SGMS1: variants seen among roughly 807,000 people sequenced by gnomAD.
SGMS1 encodes sphingomyelin synthase 1.
A neutral mutation model predicts 46.2 loss-of-function variants in SGMS1; 13 were observed. That is an observed-to-expected ratio of 0.28 (90% CI 0.18 to 0.45). The LOEUF (loss-of-function observed/expected upper bound fraction) is 0.45. SGMS1 is among the 20% of genes least tolerant of loss of function. The probability of loss-of-function intolerance (pLI) is 1.00; values close to 1 mark genes in which losing one functional copy is unlikely to be tolerated. For missense variants in SGMS1, 324 were observed against 519.9 expected (o/e 0.62, Z 3.66); for synonymous variants, 203 against 187.8 (o/e 1.08, Z -0.66).
intron 2 of SGMS1, among the ~76,000 whole-genome samples, chr10:50,574,173 T>C (rs1481733918): frequency 9.7e-5 from 3 of 30,906 alleles, no homozygotes; most frequent in African/African-American, 5.1e-4. Context: ...ATAGATATGG[T>C]ATACAGCAAA....
chr10:50,502,088 C>A (rs988764506), intron 3 of SGMS1, among the ~76,000 whole-genome samples: 1 of 152,024 alleles, frequency 6.6e-6, no homozygotes, highest in African/African-American at 2.4e-5. Context: ...GCCTTGCCTG[C>A]TGGCTGTCAA....
Position 50,344,119 on chromosome 10 carries a change from C to G in SGMS1, c.-5G>C. On this transcript the variant is annotated 5_prime_UTR_variant, in exon 7 of 11. Coordinates refer to ENST00000361781, the MANE Select transcript of SGMS1 (RefSeq NM_147156.4). ...CCAATAAACCACTTCCTTCATTGTACTGGCAGACAGCAGGCAGTCCCCAGC... is the reference window on the plus strand; with the variant it reads ...CCAATAAACCACTTCCTTCATTGTAGTGGCAGACAGCAGGCAGTCCCCAGC... 1 of 1,595,754 alleles carries G rather than the reference C, an allele frequency of 6.3e-7. No individual in the cohort carries two copies.
intron 5 of SGMS1, among the ~76,000 whole-genome samples, chr10:50,447,920 C>G (rs1837043312): frequency 6.6e-6 from 1 of 152,156 alleles, no homozygotes; most frequent in Admixed American, 6.5e-5. Context: ...ATACCACTTC[C>G]TCACACCCTT....
At chr10:50,504,839 C>T (rs557773024) in intron 3 of SGMS1, among the ~76,000 whole-genome samples, 3 of 152,192 alleles carry the variant, frequency 2.0e-5, no homozygotes, top group East Asian at 3.9e-4. Flanking sequence ...TTGTTTTTAT[C>T]GACTGCTGCT....
intron 1 of SGMS1, among the ~76,000 whole-genome samples, chr10:50,591,758 GAATATAATGCCACA>G (rs1464031987): frequency 2.6e-5 from 4 of 152,152 alleles, no homozygotes; most frequent in African/African-American, 9.7e-5. Context: ...AAATACACTA[GAATATAATGCCACA>G]GACACAGCTC....
intron 7 of SGMS1, among the ~76,000 whole-genome samples, chr10:50,337,438 A>T (rs925964666): frequency 2.0e-5 from 3 of 152,166 alleles, no homozygotes; most frequent in Non-Finnish European, 2.9e-5. Flanking sequence ...ATTGAATAGA[A>T]ACCTCCCCCT....
intron 1 of SGMS1, among the ~76,000 whole-genome samples, chr10:50,607,112 G>A (rs1421938957): frequency 2.0e-5 from 3 of 151,082 alleles, no homozygotes; most frequent in Non-Finnish European, 4.4e-5. Flanking sequence ...CCAAGTAGCT[G>A]GGACTACAGA....
At position 50,575,993 on chromosome 10, in the gene SGMS1, C is replaced by T. The variant is rs75664036; in HGVS notation, c.-589+14160G>A. Reference sequence around the variant, plus strand: ...CATCCTGCCTGAGCTATGTCCACTACAGCACCAACCTCAGCGGCATCTGCC... The same window carrying T: ...CATCCTGCCTGAGCTATGTCCACTATAGCACCAACCTCAGCGGCATCTGCC... On this transcript the variant is annotated intron_variant, in intron 2 of 10. Transcript: ENST00000361781. Among the ~76,000 whole-genome samples, 526 of 152,274 alleles carry T rather than the reference C, an allele frequency of 3.5e-3. 2 individuals carry two copies. The highest frequency in any genetic ancestry group is 0.012 in the African/African-American group (509 of 41,552).
intron 2 of SGMS1, among the ~76,000 whole-genome samples, chr10:50,589,521 G>A (rs895727108): frequency 2.0e-5 from 3 of 152,180 alleles, no homozygotes; most frequent in African/African-American, 7.2e-5. Flanking sequence ...CCAGGCTGCA[G>A]TGCAGTAGCT....
At chr10:50,320,661 T>C (rs944591315) in intron 8 of SGMS1, among the ~76,000 whole-genome samples, 7 of 152,248 alleles carry the variant, frequency 4.6e-5, no homozygotes, top group Admixed American at 1.3e-4. Flanking sequence ...GAGTCATCTC[T>C]GGCCACTTGC....
At chr10:50,508,493 A>G (rs1033474403) in intron 3 of SGMS1, among the ~76,000 whole-genome samples, 2 of 152,172 alleles carry the variant, frequency 1.3e-5, no homozygotes, top group Non-Finnish European at 2.9e-5. Flanking sequence ...GACAAAAAGG[A>G]AGTCATGTCA....
At chr10:50,368,852 C>G (rs920048956) in intron 6 of SGMS1, among the ~76,000 whole-genome samples, 5 of 152,088 alleles carry the variant, frequency 3.3e-5, no homozygotes, top group African/African-American at 1.2e-4. Context: ...CAAACACGGC[C>G]AAGGCTATTT....
chr10:50,593,520 C>T (rs183105702), intron 1 of SGMS1, among the ~76,000 whole-genome samples: 2 of 151,494 alleles, frequency 1.3e-5, no homozygotes, highest in African/African-American at 2.4e-5. Flanking sequence ...TTTTGGAAGC[C>T]GTGTGTGTGT....
At chr10:50,378,086 C>T (rs1848545895) in intron 6 of SGMS1, among the ~76,000 whole-genome samples, 1 of 152,184 alleles carries the variant, frequency 6.6e-6, no homozygotes, top group African/African-American at 2.4e-5. Context: ...TTTGCTTCTA[C>T]CTTGGATTTT....
chr10:50,516,492 T>C (rs1837807618), intron 3 of SGMS1, among the ~76,000 whole-genome samples: 1 of 152,148 alleles, frequency 6.6e-6, no homozygotes, highest in African/African-American at 2.4e-5. Flanking sequence ...CATAACAAAT[T>C]GGTGCTGAAT....
At chr10:50,406,582 G>T (rs1849018338) in intron 6 of SGMS1, among the ~76,000 whole-genome samples, 2 of 152,176 alleles carry the variant, frequency 1.3e-5, no homozygotes, top group South Asian at 4.2e-4. Context: ...CTCTTCCTTG[G>T]ATCCTCTATC....
At chr10:50,603,737 A>G (rs929148910) in intron 1 of SGMS1, among the ~76,000 whole-genome samples, 1 of 152,380 alleles carries the variant, frequency 6.6e-6, no homozygotes, top group African/African-American at 2.4e-5. Flanking sequence ...TGTTGTAGTC[A>G]GCAACAAACC....
intron 6 of SGMS1, among the ~76,000 whole-genome samples, chr10:50,344,903 C>T (rs1202051208): frequency 1.3e-5 from 2 of 151,980 alleles, no homozygotes; most frequent in African/African-American, 4.8e-5. Context: ...TTCCAATGGT[C>T]TATTTTCTAA....
At chr10:50,502,324 C>A (rs1047044170) in intron 3 of SGMS1, among the ~76,000 whole-genome samples, 9 of 94,716 alleles carry the variant, frequency 9.5e-5, no homozygotes, top group African/African-American at 1.6e-4. Context: ...AAAAAAAAAA[C>A]CAGCACAGCA....
Sources: allele counts gnomAD v4.1 joint callset (sites outside exome capture counted in the v4.1 genomes callset), GRCh38; gene constraint gnomAD v4.1.1; transcripts MANE v1.5; gene names NCBI Gene and HGNC (gene_info 2026-07-23, HGNC 2026-07-21).